Variants in RBFOX1 observed in about 807,000 individuals in gnomAD.
The protein encoded by RBFOX1 is RNA binding protein fox-1 homolog 1.
In RBFOX1, 8 loss-of-function variants were observed where a neutral mutation model predicts 57.7. That is an observed-to-expected ratio of 0.14 (90% CI 0.08 to 0.25). The LOEUF (loss-of-function observed/expected upper bound fraction) is 0.25. Among genes scored for constraint, RBFOX1 ranks in the 10% least tolerant of loss-of-function variants. RBFOX1 has a pLI of 1.00. For missense variants in RBFOX1, 611 were observed against 548.5 expected (o/e 1.11, Z -1.14); for synonymous variants, 326 against 222.4 (o/e 1.47, Z -4.15).
rs554648401 is a variant in RBFOX1 at position 7,199,463 on chromosome 16, C to T, written c.27+147365C>T. Among the ~76,000 whole-genome samples, 15 of 152,268 alleles carry T rather than the reference C, an allele frequency of 9.9e-5. No individual in the cohort carries two copies. The South Asian group carries it at 1.7e-3, about 17-fold the overall frequency. ...GAAATGAATGACTGAGTGTTTCAGG[C>T]AGCGTACGCCTGAAGGTTTGGAAGT... On this transcript the variant is annotated intron_variant, in intron 4 of 15. Transcript: ENST00000550418.
intron 4 of RBFOX1, among the ~76,000 whole-genome samples, chr16:7,484,247 A>G (rs1463488186): frequency 6.6e-6 from 1 of 152,192 alleles, no homozygotes; most frequent in African/African-American, 2.4e-5. Flanking sequence ...AGACCAATTA[A>G]TGGACATTTG....
rs73526339 is a variant in RBFOX1 at position 5,569,175 on chromosome 16, C to G, written c.259-29727C>G. On this transcript the variant is annotated intron_variant, in intron 2 of 2. Coordinates refer to the RBFOX1 transcript ENST00000585867. ...GACATTGGTTCTGTATGTGTCTTCA[C>G]GTGGGGTGGACACCTCTCTCCTAAA... 3.3e-3 allele frequency among the ~76,000 whole-genome samples: 500 copies of G among 152,152 alleles called. 2 individuals carry two copies. Among genetic ancestry groups the G allele is most frequent in the African/African-American group, 0.011 (467 of 41,532 alleles).
At chr16:7,086,663 A>G (rs562994008) in intron 4 of RBFOX1, among the ~76,000 whole-genome samples, 1 of 151,988 alleles carries the variant, frequency 6.6e-6, no homozygotes, top group South Asian at 2.1e-4. Context: ...ATCAAGTTTT[A>G]TGCCTGCTGC....
intron 4 of RBFOX1, among the ~76,000 whole-genome samples, chr16:7,359,150 C>A (rs975478301): frequency 6.6e-6 from 1 of 152,146 alleles, no homozygotes; most frequent in Non-Finnish European, 1.5e-5. Flanking sequence ...CCTAGCCATC[C>A]GTGCAAATGC....
At chr16:5,539,408 C>T (rs528614766) in intron 2 of RBFOX1, among the ~76,000 whole-genome samples, 12 of 151,718 alleles carry the variant, frequency 7.9e-5, no homozygotes, top group Admixed American at 4.6e-4. Flanking sequence ...GCCTGGCCAA[C>T]ATGACAAAAC....
intron 3 of RBFOX1, among the ~76,000 whole-genome samples, chr16:5,852,673 G>A (rs1420123041): frequency 1.3e-5 from 2 of 152,068 alleles, no homozygotes; most frequent in African/African-American, 4.8e-5. Context: ...ATTTGTAAAA[G>A]GGGTTATGCA....
chr16:6,190,602 A>G (rs2097135424), intron 1 of RBFOX1, among the ~76,000 whole-genome samples: 1 of 152,216 alleles, frequency 6.6e-6, no homozygotes, highest in Non-Finnish European at 1.5e-5. Context: ...AGCACTTGAT[A>G]TATCGTCGAT....
chr16:7,470,817 G>A (rs913220520), intron 4 of RBFOX1, among the ~76,000 whole-genome samples: 1 of 152,086 alleles, frequency 6.6e-6, no homozygotes, highest in South Asian at 2.1e-4. Context: ...ATAAACAAGA[G>A]TTCAGGGCAA....
At chr16:7,688,763 GAGAC>G (rs2076685534) in intron 14 of RBFOX1, among the ~76,000 whole-genome samples, 1 of 152,104 alleles carries the variant, frequency 6.6e-6, no homozygotes, top group Admixed American at 6.6e-5. Flanking sequence ...AAGAGTGAAA[GAGAC>G]AGACCATGGC....
chr16:7,700,893 G>C (rs1465535634), intron 14 of RBFOX1, among the ~76,000 whole-genome samples: 3 of 152,172 alleles, frequency 2.0e-5, no homozygotes, highest in Non-Finnish European at 4.4e-5. Flanking sequence ...GATCTGATTT[G>C]CCATGGGTAA....
chr16:7,096,012 C>CAAAAAAAA (rs71408498), intron 4 of RBFOX1, among the ~76,000 whole-genome samples: 16 of 111,440 alleles, frequency 1.4e-4, no homozygotes, highest in African/African-American at 5.6e-4. Context: ...GACTCTGTCT[C>CAAAAAAAA]AAAAAAAAAA....
chr16:6,038,562 T>C, intron 1 of RBFOX1: 1 of 146,382 alleles, frequency 6.8e-6, no homozygotes, highest in East Asian at 2.0e-4. Context: ...CATCCATATA[T>C]ATATATCATC....
intron 1 of RBFOX1, among the ~76,000 whole-genome samples, chr16:5,252,055 C>A (rs2062466033): frequency 6.6e-6 from 1 of 152,106 alleles, no homozygotes; most frequent in African/African-American, 2.4e-5. Context: ...AAGTGCAGGT[C>A]AGCATCCTGC....
At chr16:5,257,102 G>C (rs978749304) in intron 1 of RBFOX1, among the ~76,000 whole-genome samples, 1 of 152,046 alleles carries the variant, frequency 6.6e-6, no homozygotes, top group African/African-American at 2.4e-5. Flanking sequence ...GGTCTTAAAT[G>C]GGGGAGCCAC....
At chr16:6,740,274 G>C (rs2071658172) in intron 3 of RBFOX1, among the ~76,000 whole-genome samples, 2 of 152,082 alleles carry the variant, frequency 1.3e-5, no homozygotes, top group African/African-American at 4.8e-5. Flanking sequence ...ACTCGATAAA[G>C]GATATGTGCA....
chr16:5,417,310 C>T (rs1387587517), intron 1 of RBFOX1, among the ~76,000 whole-genome samples: 1 of 152,110 alleles, frequency 6.6e-6, no homozygotes, highest in Non-Finnish European at 1.5e-5. Context: ...AAGCTGGTTC[C>T]ACAGTGAAAA....
At chr16:6,559,177 A>G (rs560599155) in intron 2 of RBFOX1, among the ~76,000 whole-genome samples, 55 of 152,088 alleles carry the variant, frequency 3.6e-4, no homozygotes, top group African/African-American at 1.3e-3. Flanking sequence ...GTGTACATAT[A>G]TATATACACA....
intron 4 of RBFOX1, among the ~76,000 whole-genome samples, chr16:5,895,521 A>G (rs1269472874): frequency 6.6e-6 from 1 of 152,222 alleles, no homozygotes; most frequent in Non-Finnish European, 1.5e-5. Context: ...TCATTCGGAA[A>G]TGATAACTTG....
At chr16:6,945,738 C>G (rs902178891) in intron 3 of RBFOX1, among the ~76,000 whole-genome samples, 1 of 152,052 alleles carries the variant, frequency 6.6e-6, no homozygotes, top group Non-Finnish European at 1.5e-5. Flanking sequence ...TAAAAATATA[C>G]AAATTAGCTG....
Sources: gnomAD v4.1 joint callset for allele counts (sites outside exome capture counted in the v4.1 genomes callset) on GRCh38, gnomAD v4.1.1 for gene constraint, MANE v1.5 for transcripts, NCBI Gene and HGNC (gene_info 2026-07-23, HGNC 2026-07-21) for gene names.